Variants in CCSER1 observed in about 807,000 individuals in gnomAD.
The protein encoded by CCSER1 is serine-rich coiled-coil domain-containing protein 1.
Under a neutral mutation model 82.0 loss-of-function variants are expected in CCSER1, and 41 were observed. That is an observed-to-expected ratio of 0.50 (90% CI 0.39 to 0.65). The LOEUF is 0.65. CCSER1 is among the 30% of genes least tolerant of loss of function. CCSER1 has a pLI of 0.00. For synonymous variants in CCSER1, 414 were observed against 383.9 expected (o/e 1.08, Z -0.92); for missense variants, 1,119 against 1,064.2 (o/e 1.05, Z -0.72).
intron 8 of CCSER1, among the ~76,000 whole-genome samples, chr4:90,903,014 G>C (rs1378824831): frequency 1.3e-5 from 2 of 152,118 alleles, no homozygotes; most frequent in Non-Finnish European, 2.9e-5. Flanking sequence ...GTTCCTGAAT[G>C]CAGCACAGCT....
chr4:91,021,155 A>G (rs1403147915), intron 9 of CCSER1, among the ~76,000 whole-genome samples: 2 of 152,164 alleles, frequency 1.3e-5, no homozygotes, highest in African/African-American at 4.8e-5. Context: ...AAAATTTCTC[A>G]TTGTTTATTT....
intron 10 of CCSER1, among the ~76,000 whole-genome samples, chr4:91,289,234 G>T (rs1581910667): frequency 1.3e-5 from 2 of 152,032 alleles, no homozygotes; most frequent in Admixed American, 1.3e-4. Flanking sequence ...AGAAGGAAAA[G>T]CATGCTCATT....
chr4:90,979,639 T>G (rs1158983269), intron 9 of CCSER1, among the ~76,000 whole-genome samples: 1 of 151,774 alleles, frequency 6.6e-6, no homozygotes, highest in Non-Finnish European at 1.5e-5. Flanking sequence ...ACTACTTTCT[T>G]TAGCCAGTGA....
intron 9 of CCSER1, among the ~76,000 whole-genome samples, chr4:91,045,163 A>T (rs1164640558): frequency 4.6e-5 from 7 of 152,158 alleles, no homozygotes; most frequent in Non-Finnish European, 8.8e-5. Context: ...ACTCATCTTG[A>T]AATTATTTTA....
intron 9 of CCSER1, among the ~76,000 whole-genome samples, chr4:90,949,957 C>T (rs552257803): frequency 7.6e-4 from 115 of 152,064 alleles, no homozygotes; most frequent in Non-Finnish European, 1.2e-3. Context: ...CTATGTGTCC[C>T]TTACGTTAGT....
At chr4:91,466,472 C>G (rs1454860262) in intron 10 of CCSER1, among the ~76,000 whole-genome samples, 1 of 152,162 alleles carries the variant, frequency 6.6e-6, no homozygotes, top group Admixed American at 6.5e-5. Context: ...CTCACCACTC[C>G]TATTCAACAT....
In CCSER1 at chr4:90,158,787, T is replaced by G. The variant is rs183332520; in HGVS notation, c.-42+30956T>G. On this transcript the variant is annotated intron_variant, in intron 1 of 10. Transcript: ENST00000509176. ...TTTCCAGGTGCTGTCTGTCACCCCTTTCTTTGACTAGGAAAGGGAACTCCC... is the reference window on the plus strand; with the variant it reads ...TTTCCAGGTGCTGTCTGTCACCCCTGTCTTTGACTAGGAAAGGGAACTCCC... Among the ~76,000 whole-genome samples, 306 of 152,216 alleles carry G rather than the reference T, an allele frequency of 2.0e-3. 1 individual carries two copies. The highest frequency in any genetic ancestry group is 7.1e-3 in the African/African-American group (296 of 41,526).
chr4:91,028,590 G>A (rs1740697490), intron 9 of CCSER1, among the ~76,000 whole-genome samples: 1 of 151,860 alleles, frequency 6.6e-6, no homozygotes, highest in South Asian at 2.1e-4. Context: ...AATAGAGCAT[G>A]ACATAATGAA....
intron 10 of CCSER1, among the ~76,000 whole-genome samples, chr4:91,405,006 C>A (rs1156983912): frequency 6.6e-6 from 1 of 152,112 alleles, no homozygotes; most frequent in African/African-American, 2.4e-5. Context: ...GTTAAAGTCA[C>A]TCATTATTAT....
intron 6 of CCSER1, among the ~76,000 whole-genome samples, chr4:90,702,950 G>A (rs1481918691): frequency 6.6e-6 from 1 of 152,020 alleles, no homozygotes; most frequent in Non-Finnish European, 1.5e-5. Context: ...TTTTTTGAAG[G>A]GTTTTTTATG....
intron 5 of CCSER1, among the ~76,000 whole-genome samples, chr4:90,543,514 T>C (rs1455113618): frequency 6.6e-6 from 1 of 152,196 alleles, no homozygotes; most frequent in Non-Finnish European, 1.5e-5. Flanking sequence ...GTTTTTTGTT[T>C]GTTTTTAATT....
At chr4:91,153,491 A>G (rs1730470738) in intron 10 of CCSER1, among the ~76,000 whole-genome samples, 1 of 151,886 alleles carries the variant, frequency 6.6e-6, no homozygotes, top group South Asian at 2.1e-4. Context: ...GTTATTACCG[A>G]TCTTCTGAAG....
intron 6 of CCSER1, among the ~76,000 whole-genome samples, chr4:90,704,273 C>A (rs909118089): frequency 1.3e-5 from 2 of 152,146 alleles, no homozygotes; most frequent in African/African-American, 2.4e-5. Flanking sequence ...GTTGAAAATT[C>A]TTTTCTTTTA....
intron 8 of CCSER1, among the ~76,000 whole-genome samples, chr4:90,912,558 GA>G (rs35326694): frequency 0.11 from 16,104 of 152,110 alleles, 1,294 homozygotes; most frequent in East Asian, 0.22. Flanking sequence ...CAGAAAAACT[GA>G]AAATTCTAAA....
intron 7 of CCSER1, among the ~76,000 whole-genome samples, chr4:90,792,422 A>G (rs1355793300): frequency 6.6e-6 from 1 of 152,142 alleles, no homozygotes; most frequent in Non-Finnish European, 1.5e-5. Context: ...TAAAAACTGC[A>G]TATGTATTCC....
At chr4:90,663,561 G>C (rs1300036653) in intron 6 of CCSER1, among the ~76,000 whole-genome samples, 2 of 152,144 alleles carry the variant, frequency 1.3e-5, no homozygotes, top group Non-Finnish European at 2.9e-5. Flanking sequence ...CACAATCATA[G>C]CTCACTGCAA....
intron 8 of CCSER1, among the ~76,000 whole-genome samples, chr4:90,829,109 T>C (rs561458497): frequency 3.9e-5 from 6 of 152,198 alleles, no homozygotes; most frequent in Admixed American, 1.3e-4. Context: ...AGAGAAATTA[T>C]AGAAGTAAAA....
intron 4 of CCSER1, among the ~76,000 whole-genome samples, chr4:90,419,749 T>A (rs924178173): frequency 4.6e-5 from 7 of 151,876 alleles, no homozygotes; most frequent in African/African-American, 1.7e-4. Flanking sequence ...AAATACATTC[T>A]GCATTATTCT....
intron 1 of CCSER1, among the ~76,000 whole-genome samples, chr4:90,242,417 GATATTTTTT>G (rs770383893): frequency 3.2e-4 from 48 of 152,200 alleles, no homozygotes; most frequent in South Asian, 1.2e-3. Flanking sequence ...TTAAACTGTT[GATATTTTTT>G]ATACTATAGT....
Sources: gnomAD v4.1 joint callset for allele counts (sites outside exome capture counted in the v4.1 genomes callset) on GRCh38, gnomAD v4.1.1 for gene constraint, MANE v1.5 for transcripts, NCBI Gene and HGNC (gene_info 2026-07-23, HGNC 2026-07-21) for gene names.